HAUS6: variants seen among roughly 807,000 people sequenced by gnomAD.
HAUS6 encodes the protein HAUS augmin-like complex subunit 6.
Under a neutral mutation model 106.8 loss-of-function variants are expected in HAUS6, and 80 were observed. The observed-to-expected ratio is 0.75, with a 90% confidence interval of 0.63 to 0.90. HAUS6 has a LOEUF of 0.90. Ranked by LOEUF, HAUS6 falls within the 40% of genes least tolerant of loss-of-function variation. HAUS6 has a pLI of 0.00. For synonymous variants in HAUS6, 356 were observed against 379.1 expected (o/e 0.94, Z 0.71); for missense variants, 1,155 against 1,118.1 (o/e 1.03, Z -0.47).
intron 11 of HAUS6, among the ~76,000 whole-genome samples, chr9:19,075,551 T>C (rs1836978727): frequency 6.6e-6 from 1 of 151,758 alleles, no homozygotes. Context: ...GAAAACATTG[T>C]GCAAAGTTAA....
chr9:19,082,659 T>A (rs887737357), intron 8 of HAUS6, among the ~76,000 whole-genome samples: 2 of 151,572 alleles, frequency 1.3e-5, no homozygotes, highest in African/African-American at 4.9e-5. Flanking sequence ...GGCAGGAGAA[T>A]CTCTTGAACC....
chr9:19,098,306 C>T (rs974756956), intron 1 of HAUS6, among the ~76,000 whole-genome samples: 9 of 151,942 alleles, frequency 5.9e-5, no homozygotes, highest in African/African-American at 1.7e-4. Context: ...GGCGTGGTGG[C>T]GTGCACCTGT....
rs1836442651 is a variant in HAUS6, at chr9:19,055,207, G to A, written c.*1136C>T. ...TTCCTTGCCAGTTTTTTGGGGGCTA[G>A]TGGACAAGATTTTGATGGTAGTGAG... On this transcript the variant is annotated 3_prime_UTR_variant, in exon 17 of 17. Coordinates refer to ENST00000380502, the MANE Select transcript of HAUS6 (RefSeq NM_017645.5). 1 of 152,150 alleles carries A rather than the reference G, an allele frequency of 6.6e-6. No homozygotes were observed. The highest frequency in any genetic ancestry group is 2.4e-5 in the African/African-American group (1 of 41,438). The allele number at this position is 152,150 out of a possible 1,614,324, so 9.4% of individuals were successfully genotyped here.
chr9:19,068,863 A>C (rs1836824088), intron 12 of HAUS6, among the ~76,000 whole-genome samples: 2 of 152,172 alleles, frequency 1.3e-5, no homozygotes, highest in Non-Finnish European at 2.9e-5. Context: ...ATTAGTCCAA[A>C]ATGGGATAAT....
At chr9:19,070,741 A>C (rs1564011180) in intron 11 of HAUS6, among the ~76,000 whole-genome samples, 1 of 152,252 alleles carries the variant, frequency 6.6e-6, no homozygotes, top group Admixed American at 6.5e-5. Flanking sequence ...CAACAATGGA[A>C]GAAAGAAATG....
At chr9:19,093,326 G>A (rs904049214) in intron 3 of HAUS6, 23 bp from the exon 4 acceptor site, 6 of 1,578,400 alleles carry the variant, frequency 3.8e-6, no homozygotes, top group Admixed American at 1.9e-5. Context: ...GAAATAAGAT[G>A]ATTTGAAGAC....
intron 7 of HAUS6, among the ~76,000 whole-genome samples, chr9:19,085,005 G>A (rs1170291039): frequency 6.6e-6 from 1 of 151,964 alleles, no homozygotes; most frequent in African/African-American, 2.4e-5. Flanking sequence ...AGAGCACACT[G>A]CAGCCTTGAG....
intron 8 of HAUS6, 38 bp from the exon 9 acceptor site, chr9:19,080,710 A>T: frequency 8.7e-7 from 1 of 1,145,738 alleles, no homozygotes; most frequent in Non-Finnish European, 1.3e-6. Flanking sequence ...GGTGAACTAT[A>T]GGTTGTTACA....
At chr9:19,067,917 C>T (rs1009165277) in intron 12 of HAUS6, among the ~76,000 whole-genome samples, 1 of 152,000 alleles carries the variant, frequency 6.6e-6, no homozygotes, top group African/African-American at 2.4e-5. Flanking sequence ...TAGTCTCGAA[C>T]TCCTGACCTC....
chr9:19,095,672 C>T (rs927545221), intron 2 of HAUS6, among the ~76,000 whole-genome samples: 1 of 151,782 alleles, frequency 6.6e-6, no homozygotes, highest in African/African-American at 2.4e-5. Flanking sequence ...GAAAATAATG[C>T]CCTAAGCGAT....
Position 19,053,588 on chromosome 9 carries a change from C to G in HAUS6, c.*2755G>C, listed in dbSNP as rs530528233. 3 of 152,188 alleles carry G rather than the reference C, an allele frequency of 2.0e-5. No homozygotes were observed. The highest frequency in any genetic ancestry group is 2.0e-4 in the Admixed American group (3 of 15,288). The allele number at this position is 152,188 out of a possible 1,614,324, so 9.4% of individuals were successfully genotyped here. Reference sequence around the variant, plus strand: ...ATGTTTAGCAACATTACATGGTTGTCCTCTTTAAACATTTAAAATAATTAG... The same window carrying G: ...ATGTTTAGCAACATTACATGGTTGTGCTCTTTAAACATTTAAAATAATTAG... On this transcript the variant is annotated 3_prime_UTR_variant, in exon 17 of 17. Coordinates refer to ENST00000380502, the MANE Select transcript of HAUS6 (RefSeq NM_017645.5).
intron 11 of HAUS6, among the ~76,000 whole-genome samples, chr9:19,075,677 G>C (rs548077272): frequency 5.3e-5 from 8 of 151,896 alleles, no homozygotes; most frequent in South Asian, 4.2e-4. Flanking sequence ...TAATGGGCCA[G>C]GCACAGTGGC....
At chr9:19,068,889 C>A (rs1297270801) in intron 12 of HAUS6, among the ~76,000 whole-genome samples, 2 of 151,482 alleles carry the variant, frequency 1.3e-5, no homozygotes, top group African/African-American at 2.4e-5. Flanking sequence ...AAAAAAAAGG[C>A]AATAAAGAAA....
At chr9:19,088,207 GA>G (rs1222594904) in intron 5 of HAUS6, among the ~76,000 whole-genome samples, 1 of 152,094 alleles carries the variant, frequency 6.6e-6, no homozygotes, top group African/African-American at 2.4e-5. Context: ...CTGAGGTCAG[GA>G]GTTCGAGACC....
At chr9:19,099,972 T>C (rs1349881812) in intron 1 of HAUS6, among the ~76,000 whole-genome samples, 2 of 152,212 alleles carry the variant, frequency 1.3e-5, no homozygotes, top group Admixed American at 6.5e-5. Context: ...GGCAGGTGGA[T>C]CACAAGGTCA....
Position 19,058,871 on chromosome 9 carries a change from T to C in HAUS6, c.1896A>G (p.Arg632=). ...PESLPVLHNQ[R]EFSMADFLLE... ...AGAGAAAATCAGCCATGCTAAATTC[T>C]CTTTGATTGTGCAACACAGGTAATG... The change falls in exon 16 of 17, where the codon AGA becomes AGG. Residue 632 remains arginine (R), a synonymous_variant. Transcript: ENST00000380502. 6.2e-7 allele frequency: 1 copy of C among 1,613,476 alleles called. No individual in the cohort carries two copies. The highest frequency in any genetic ancestry group is 8.5e-7 in the Non-Finnish European group (1 of 1,179,354).
At position 19,090,554 on chromosome 9, in the gene HAUS6, C is replaced by CG. The variant is rs1200362590; in HGVS notation, c.437-996dup. On this transcript the variant is annotated intron_variant, in intron 4 of 16. Coordinates refer to ENST00000380502, the MANE Select transcript of HAUS6 (RefSeq NM_017645.5). Reference sequence around the variant, plus strand: ...TAATTTTTTGTAATTTTAGTAGAGACGGGTTTCACCCTGTTAGCCAGGATG... The same window carrying CG: ...TAATTTTTTGTAATTTTAGTAGAGACGGGGTTTCACCCTGTTAGCCAGGATG... Among the ~76,000 whole-genome samples the CG allele has an allele frequency of 5.3e-5, 8 of 152,088 alleles. No homozygotes were observed. The East Asian group carries it at 7.7e-4, about 15-fold the overall frequency.
intron 1 of HAUS6, among the ~76,000 whole-genome samples, chr9:19,098,989 C>A (rs1817924385): frequency 1.4e-5 from 2 of 143,418 alleles, no homozygotes; most frequent in Admixed American, 1.4e-4. Flanking sequence ...TGCACTCCAG[C>A]CTGGGCAACA....
chr9:19,066,697 A>G (rs892488673), intron 12 of HAUS6, among the ~76,000 whole-genome samples: 5 of 152,078 alleles, frequency 3.3e-5, no homozygotes, highest in Non-Finnish European at 5.9e-5. Context: ...CGCTCTGATC[A>G]GAACCAGAAA....
Sources: allele counts gnomAD v4.1 joint callset (sites outside exome capture counted in the v4.1 genomes callset), GRCh38; gene constraint gnomAD v4.1.1; transcripts MANE v1.5; gene names NCBI Gene and HGNC (gene_info 2026-07-23, HGNC 2026-07-21).